Variants in GALNT2 observed in about 807,000 individuals in gnomAD.
GALNT2 encodes UDP-GalNAc:polypeptide N-acetylgalactosaminyltransferase 2.
A neutral mutation model predicts 81.4 loss-of-function variants in GALNT2; 31 were observed. That is an observed-to-expected ratio of 0.38 (90% CI 0.29 to 0.51). GALNT2 has a LOEUF of 0.51. Among genes scored for constraint, GALNT2 ranks in the 20% least tolerant of loss-of-function variants. GALNT2 has a pLI of 0.87. For synonymous variants in GALNT2, 303 were observed against 287.4 expected, an observed-to-expected ratio of 1.05 and a Z score of -0.55; for missense variants, 629 against 765.7, an observed-to-expected ratio of 0.82 and a Z score of 2.11.
At chr1:230,141,129 C>T (rs944922606) in intron 1 of GALNT2, among the ~76,000 whole-genome samples, 1 of 152,074 alleles carries the variant, frequency 6.6e-6, no homozygotes, top group African/African-American at 2.4e-5. Context: ...ATTGGATCAC[C>T]CCACAGGAGA....
At chr1:230,255,098 A>C in intron 10 of GALNT2, 120 bp from the exon 11 acceptor site, 1 of 1,388,548 alleles carries the variant, frequency 7.2e-7, no homozygotes, top group Non-Finnish European at 1.0e-6. Flanking sequence ...TCAGCAGCAG[A>C]GGGCATGGGA....
At chr1:230,228,383 G>C (rs1344031870) in intron 3 of GALNT2, among the ~76,000 whole-genome samples, 1 of 151,946 alleles carries the variant, frequency 6.6e-6, no homozygotes, top group African/African-American at 2.4e-5. Context: ...AAGAGTTACT[G>C]CTGAGCCACA....
At chr1:230,249,328 T>C (rs1665472013) in intron 9 of GALNT2, 57 bp downstream of exon 9, 23 of 1,510,638 alleles carry the variant, frequency 1.5e-5, no homozygotes, top group Non-Finnish European at 2.1e-5. Flanking sequence ...GGTTCCAGCT[T>C]CTTTGCTGGG....
chr1:230,163,022 G>A (rs747504736), intron 1 of GALNT2, among the ~76,000 whole-genome samples: 2 of 152,064 alleles, frequency 1.3e-5, no homozygotes, highest in Non-Finnish European at 2.9e-5. Context: ...TGACTTTTTC[G>A]AGTTGAGTTT....
intron 15 of GALNT2, among the ~76,000 whole-genome samples, chr1:230,278,112 CTTTT>C (rs34767763): frequency 1.7e-5 from 2 of 121,184 alleles, no homozygotes; most frequent in Non-Finnish European, 3.5e-5. Flanking sequence ...GTTTTTCTTT[CTTTT>C]TTTTTTTTTT....
At chr1:230,269,504 A>G (rs1666116867) in intron 14 of GALNT2, among the ~76,000 whole-genome samples, 1 of 152,094 alleles carries the variant, frequency 6.6e-6, no homozygotes, top group Non-Finnish European at 1.5e-5. Context: ...GAACTTTTAC[A>G]AAATGCTGAT....
At chr1:230,196,337 A>G (rs1663694677) in intron 2 of GALNT2, among the ~76,000 whole-genome samples, 1 of 151,902 alleles carries the variant, frequency 6.6e-6, no homozygotes, top group Non-Finnish European at 1.5e-5. Context: ...GAGCTATCCC[A>G]TCTCCTCCTC....
intron 1 of GALNT2, among the ~76,000 whole-genome samples, chr1:230,168,961 A>T (rs1400936961): frequency 6.6e-6 from 1 of 152,092 alleles, no homozygotes; most frequent in African/African-American, 2.4e-5. Context: ...TTACTGTGAC[A>T]TTTTTTTAGA....
In GALNT2 at chr1:230,247,063, G is replaced by A. The variant is rs560329109; in HGVS notation, c.817+913G>A. Among the ~76,000 whole-genome samples the A allele has an allele frequency of 1.1e-4, 17 of 148,406 alleles. No individual in the cohort carries two copies. In the East Asian group the frequency reaches 3.2e-3, roughly 28 times the overall value. On this transcript the variant is annotated intron_variant, in intron 8 of 15. Transcript: ENST00000366672. ...AAGACCAGCCTGGGCAACATAACAA[G>A]ACTCTTGTCTCTATTAAAAAAAAAA...
At position 230,246,102 on chromosome 1, in the gene GALNT2, A is replaced by C. The variant is rs765263970; in HGVS notation, c.769A>C (p.Asn257His). Residue 257 changes from asparagine (N) to histidine (H), a missense_variant, in exon 8 of 16, where the codon AAT becomes CAT. Transcript: ENST00000366672. ...RVVSPIIDVINMDNFQYVGAS... is the reference protein window; with the variant it reads ...RVVSPIIDVIHMDNFQYVGAS... Reference sequence around the variant, plus strand: ...TGTGTCACCCATCATCGATGTCATTAATATGGACAACTTTCAGTATGTGGG... The same window carrying C: ...TGTGTCACCCATCATCGATGTCATTCATATGGACAACTTTCAGTATGTGGG... 6.2e-7 allele frequency: 1 copy of C among 1,614,026 alleles called. No individual in the cohort carries two copies. The highest frequency in any genetic ancestry group is 1.7e-5 in the Admixed American group (1 of 60,012).
chr1:230,246,546 C>T (rs1044685205), intron 8 of GALNT2, among the ~76,000 whole-genome samples: 1 of 152,180 alleles, frequency 6.6e-6, no homozygotes, highest in African/African-American at 2.4e-5. Flanking sequence ...TCTCTGCTCA[C>T]CCTGGCTATT....
chr1:230,274,676 T>C (rs1176505870), intron 15 of GALNT2, 112 bp downstream of exon 15: 1 of 1,299,168 alleles, frequency 7.7e-7, no homozygotes. Context: ...CTGCGTGTAC[T>C]TATGTGTTCT....
rs116680595 is a variant in GALNT2, at chr1:230,235,852, G to T, written c.375-162G>T. Among the ~76,000 whole-genome samples the T allele has an allele frequency of 0.017, 2,531 of 152,076 alleles. 67 individuals are homozygous for T. Among genetic ancestry groups the T allele is most frequent in the African/African-American group, 0.058 (2,421 of 41,460 alleles). ...GTGTTTTTCTGTTTCCTTATGTCCCGTTGGCAGTTCATCTCAGAACAGGCC... is the reference window on the plus strand; with the variant it reads ...GTGTTTTTCTGTTTCCTTATGTCCCTTTGGCAGTTCATCTCAGAACAGGCC... On this transcript the variant is annotated intron_variant, in intron 3 of 15. Coordinates refer to ENST00000366672, the MANE Select transcript of GALNT2 (RefSeq NM_004481.5).
intron 1 of GALNT2, among the ~76,000 whole-genome samples, chr1:230,104,061 T>C (rs1660473219): frequency 1.3e-5 from 2 of 152,184 alleles, no homozygotes; most frequent in South Asian, 4.1e-4. Flanking sequence ...GAGGCAGTCA[T>C]GTGCTTCTGT....
At chr1:230,066,884 AGCAC>A (rs1244707455), upstream of GALNT2, among the ~76,000 whole-genome samples, 1 of 149,392 alleles carries the variant, frequency 6.7e-6, no homozygotes, top group Non-Finnish European at 1.5e-5. Context: ...CGGCGGGGGG[AGCAC>A]GCTGAGGGGC....
chr1:230,159,943 A>G (rs1248350430), intron 1 of GALNT2, among the ~76,000 whole-genome samples: 17 of 152,094 alleles, frequency 1.1e-4, no homozygotes, highest in Admixed American at 1.1e-3. Flanking sequence ...GGGACTGCCA[A>G]GAGTTGCCAA....
intron 6 of GALNT2, among the ~76,000 whole-genome samples, chr1:230,240,344 A>G (rs1485265307): frequency 6.6e-6 from 1 of 152,250 alleles, no homozygotes; most frequent in Non-Finnish European, 1.5e-5. Flanking sequence ...CTGTAATCCC[A>G]GCACTTTGGG....
intron 3 of GALNT2, among the ~76,000 whole-genome samples, chr1:230,226,942 C>T (rs115785806): frequency 0.044 from 6,729 of 151,946 alleles, 195 homozygotes; most frequent in Non-Finnish European, 0.065. Context: ...AATTAATGAA[C>T]TAAAAATCCA....
At chr1:230,198,012 G>C (rs185268834) in intron 2 of GALNT2, among the ~76,000 whole-genome samples, 8 of 152,316 alleles carry the variant, frequency 5.3e-5, no homozygotes, top group African/African-American at 1.9e-4. Context: ...GTAAGCGTCC[G>C]GCGCAAGACC....
Sources: allele counts gnomAD v4.1 joint callset (sites outside exome capture counted in the v4.1 genomes callset), GRCh38; gene constraint gnomAD v4.1.1; transcripts MANE v1.5; gene names NCBI Gene and HGNC (gene_info 2026-07-23, HGNC 2026-07-21).